Variants in PTPRT observed in about 807,000 individuals in gnomAD.
PTPRT encodes receptor-type tyrosine-protein phosphatase T.
PTPRT carries 56 observed loss-of-function variants against 176.8 expected under a neutral mutation model. The ratio of observed to expected loss-of-function variants is 0.32; its 90% CI spans 0.26 to 0.40. The LOEUF (loss-of-function observed/expected upper bound fraction) is 0.40. Ranked by LOEUF, PTPRT falls within the 10% of genes least tolerant of loss-of-function variation. The pLI is 1.00. For synonymous variants in PTPRT, 783 were observed against 739.0 expected, an observed-to-expected ratio of 1.06 and a Z score of -0.96; for missense variants, 1,540 against 1,908.2, an observed-to-expected ratio of 0.81 and a Z score of 3.60.
intron 7 of PTPRT, among the ~76,000 whole-genome samples, chr20:42,593,912 T>A (rs2073624148): frequency 6.6e-6 from 1 of 152,188 alleles, no homozygotes; most frequent in African/African-American, 2.4e-5. Flanking sequence ...TATGTTTCCA[T>A]CTCATTGGCC....
At chr20:42,408,696 A>C (rs909109227) in intron 9 of PTPRT, among the ~76,000 whole-genome samples, 2 of 152,158 alleles carry the variant, frequency 1.3e-5, no homozygotes, top group Non-Finnish European at 2.9e-5. Flanking sequence ...TCCATCTTGC[A>C]ATACAAAAAT....
intron 2 of PTPRT, among the ~76,000 whole-genome samples, chr20:42,847,682 G>C (rs2078398443): frequency 6.6e-6 from 1 of 152,180 alleles, no homozygotes; most frequent in African/African-American, 2.4e-5. Flanking sequence ...TGCCACAGTT[G>C]AGTGATCTGC....
chr20:42,980,233 C>T (rs367801996), intron 1 of PTPRT, among the ~76,000 whole-genome samples: 4 of 152,016 alleles, frequency 2.6e-5, no homozygotes, highest in Non-Finnish European at 5.9e-5. Flanking sequence ...AAGAGAAAAC[C>T]GGATGAAGCC....
At chr20:42,353,730 G>C (rs2058320017) in intron 9 of PTPRT, among the ~76,000 whole-genome samples, 1 of 152,116 alleles carries the variant, frequency 6.6e-6, no homozygotes, top group Non-Finnish European at 1.5e-5. Flanking sequence ...TTTTTTGTTT[G>C]TCTTACCTGG....
chr20:42,850,905 G>A (rs1007337043), intron 2 of PTPRT, among the ~76,000 whole-genome samples: 4 of 152,054 alleles, frequency 2.6e-5, no homozygotes, highest in South Asian at 2.1e-4. Context: ...ACTCACAGAT[G>A]GGAAAAAACA....
chr20:42,879,733 A>ATGTGTGTGTG (rs11468460), intron 2 of PTPRT, among the ~76,000 whole-genome samples: 112 of 149,082 alleles, frequency 7.5e-4, no homozygotes, highest in African/African-American at 2.7e-3. Context: ...GTTGGGTGAA[A>ATGTGTGTGTG]TGTGTGTGTG....
At chr20:42,098,299 T>C in intron 27 of PTPRT, 122 bp downstream of exon 27, 1 of 1,370,770 alleles carries the variant, frequency 7.3e-7, no homozygotes, top group Non-Finnish European at 1.0e-6. Context: ...GGCCAGACAC[T>C]GCTTATTACA....
At chr20:42,612,882 A>G (rs958355655) in intron 7 of PTPRT, among the ~76,000 whole-genome samples, 5 of 152,040 alleles carry the variant, frequency 3.3e-5, no homozygotes, top group African/African-American at 1.2e-4. Context: ...GTGGTGTGGG[A>G]ATGTGGTTAG....
Position 42,077,305 on chromosome 20 carries a change from C to T in PTPRT, c.*3574G>A, listed in dbSNP as rs189880738. On this transcript the variant is annotated 3_prime_UTR_variant, in exon 31 of 31. Coordinates refer to ENST00000373187, the MANE Select transcript of PTPRT (RefSeq NM_007050.6). ...CAGATTCTTCACCCCAGAAAGGATG[C>T]AATGTTGGAGTGCAGCTAAGATACA... 1.6e-5 allele frequency: 3 copies of T among 191,214 alleles called. No homozygotes were observed. Among genetic ancestry groups the T allele is most frequent in the Admixed American group, 1.2e-4 (2 of 16,270 alleles). The allele number at this position is 191,214 out of a possible 1,614,324, so 11.8% of individuals were successfully genotyped here. A position where few individuals can be genotyped will look rare whatever the true frequency, so the allele number is the denominator to read the frequency against.
At chr20:42,644,279 T>C (rs2074835788) in intron 7 of PTPRT, among the ~76,000 whole-genome samples, 1 of 151,992 alleles carries the variant, frequency 6.6e-6, no homozygotes, top group South Asian at 2.1e-4. Flanking sequence ...CGCCTTACAC[T>C]CCAAACCAGA....
chr20:43,005,847 A>C (rs1409646044), intron 1 of PTPRT, among the ~76,000 whole-genome samples: 1 of 152,260 alleles, frequency 6.6e-6, no homozygotes, highest in Non-Finnish European at 1.5e-5. Context: ...AATCACAAGA[A>C]GTACACAAAG....
At chr20:42,247,649 C>T (rs2056476827) in intron 14 of PTPRT, among the ~76,000 whole-genome samples, 1 of 152,106 alleles carries the variant, frequency 6.6e-6, no homozygotes. Context: ...GCTCTTTTGC[C>T]TGGGAGCAGG....
intron 9 of PTPRT, among the ~76,000 whole-genome samples, chr20:42,373,829 A>T (rs1053268132): frequency 2.0e-5 from 3 of 152,178 alleles, no homozygotes; most frequent in African/African-American, 7.2e-5. Flanking sequence ...GTACCACCCT[A>T]CAGTTCATGA....
At chr20:42,660,342 C>T (rs2075201036) in intron 7 of PTPRT, among the ~76,000 whole-genome samples, 1 of 152,180 alleles carries the variant, frequency 6.6e-6, no homozygotes, top group South Asian at 2.1e-4. Flanking sequence ...TCCCAAGAAA[C>T]TCCCATACTC....
intron 9 of PTPRT, among the ~76,000 whole-genome samples, chr20:42,400,419 G>A (rs1194168239): frequency 6.6e-6 from 1 of 152,112 alleles, no homozygotes; most frequent in East Asian, 1.9e-4. Flanking sequence ...CCCTTGAGGA[G>A]TTCAAGCCTA....
At chr20:42,880,445 T>C (rs1479305848) in intron 2 of PTPRT, among the ~76,000 whole-genome samples, 1 of 152,186 alleles carries the variant, frequency 6.6e-6, no homozygotes, top group Non-Finnish European at 1.5e-5. Context: ...TAAAAGAATG[T>C]CCTACAAGTA....
At chr20:42,838,116 T>C (rs148973123) in intron 2 of PTPRT, among the ~76,000 whole-genome samples, 1,554 of 152,290 alleles carry the variant, frequency 0.01, 17 homozygotes, top group Non-Finnish European at 0.018. Context: ...AACTTCTGCC[T>C]CCTGGGTTCA....
chr20:42,467,531 T>C (rs370624322), intron 8 of PTPRT, among the ~76,000 whole-genome samples: 5 of 152,234 alleles, frequency 3.3e-5, no homozygotes, highest in East Asian at 1.9e-4. Context: ...TATTACATGA[T>C]TTTAAAATTA....
intron 7 of PTPRT, among the ~76,000 whole-genome samples, chr20:42,668,551 T>C (rs2075356554): frequency 6.6e-6 from 1 of 152,144 alleles, no homozygotes. Flanking sequence ...GCTTTATGTT[T>C]TGCCTCTTTC....
Sources: gnomAD v4.1 joint callset for allele counts (sites outside exome capture counted in the v4.1 genomes callset) on GRCh38, gnomAD v4.1.1 for gene constraint, MANE v1.5 for transcripts, NCBI Gene and HGNC (gene_info 2026-07-23, HGNC 2026-07-21) for gene names.